Variants in RASSF3 observed in about 807,000 individuals in gnomAD.
RASSF3 encodes the protein Ras association domain family member 3.
A neutral mutation model predicts 19.9 loss-of-function variants in RASSF3; 19 were observed. The ratio of observed to expected loss-of-function variants is 0.96; its 90% confidence interval spans 0.67 to 1.40. RASSF3 has a LOEUF of 1.40. Among genes scored for constraint, RASSF3 ranks in the 40% most tolerant of loss-of-function variants. The probability of loss-of-function intolerance (pLI) is 0.00; values close to 1 mark genes in which losing one functional copy is unlikely to be tolerated. For synonymous variants in RASSF3, 110 were observed against 104.2 expected (o/e 1.06, Z -0.34); for missense variants, 306 against 289.8 (o/e 1.06, Z -0.41).
At chr12:64,624,393 A>G (rs11175472) in intron 1 of RASSF3, among the ~76,000 whole-genome samples, 6,484 of 151,898 alleles carry the variant, frequency 0.043, 616 homozygotes, top group African/African-American at 0.15. Flanking sequence ...TGCTAGCTGT[A>G]TTATCTTGAG....
At chr12:64,603,459 T>A (rs183929270) in intron 2 of RASSF3, among the ~76,000 whole-genome samples, 1 of 152,340 alleles carries the variant, frequency 6.6e-6, no homozygotes, top group Admixed American at 6.5e-5. Flanking sequence ...ACAAAATATT[T>A]CAGCTCATTA....
chr12:64,543,562 C>T (rs1288367051), downstream of RASSF3, among the ~76,000 whole-genome samples: 2 of 107,828 alleles, frequency 1.9e-5, no homozygotes, highest in Admixed American at 1.8e-4. Context: ...CTGCACGGCC[C>T]GAGCCTCCCC....
intron 1 of RASSF3, among the ~76,000 whole-genome samples, chr12:64,613,817 G>GCTCGCCTGTAGTCCCAGCTA (rs1870456197): frequency 6.6e-6 from 1 of 151,902 alleles, no homozygotes; most frequent in Non-Finnish European, 1.5e-5. Context: ...GCATGGTGGT[G>GCTCGCCTGTAGTCCCAGCTA]CTCGCCTGTA....
chr12:64,693,639 G>A (rs1868316410), intron 4 of RASSF3, among the ~76,000 whole-genome samples: 1 of 150,976 alleles, frequency 6.6e-6, no homozygotes, highest in African/African-American at 2.5e-5. Flanking sequence ...GGCTGGTCTC[G>A]AACTTCTGGT....
chr12:64,682,406 C>T (rs1035034559), intron 1 of RASSF3, among the ~76,000 whole-genome samples: 1 of 151,918 alleles, frequency 6.6e-6, no homozygotes, highest in African/African-American at 2.4e-5. Flanking sequence ...CCCGTCTCTA[C>T]TAAAAATACA....
chr12:64,610,796 C>G, intron 1 of RASSF3, 53 bp downstream of exon 1: 1 of 1,185,734 alleles, frequency 8.4e-7, no homozygotes, highest in Non-Finnish European at 1.2e-6. Flanking sequence ...TCCGGGGAAC[C>G]CGCCAGCCCG....
rs540382418 is a variant in RASSF3 at position 64,655,577 on chromosome 12, T to A, written c.112-29210T>A. On this transcript the variant is annotated intron_variant, in intron 1 of 4. Transcript: ENST00000542104. ...ATCCTCCTGCCTCGGCCTCCCAAAT[T>A]ATTGGGATTACAGGTGTGAACCACC... Among the ~76,000 whole-genome samples the A allele has an allele frequency of 3.1e-3, 474 of 152,154 alleles. 3 individuals carry two copies. Among genetic ancestry groups the A allele is most frequent in the Non-Finnish European group, 5.7e-3 (387 of 67,990 alleles).
At chr12:64,513,153 C>T (rs1005020882) in intron 1 of RASSF3, among the ~76,000 whole-genome samples, 1 of 152,004 alleles carries the variant, frequency 6.6e-6, no homozygotes, top group African/African-American at 2.4e-5. Flanking sequence ...ATGTTAAAAG[C>T]CAGATTTCAG....
downstream of RASSF3, among the ~76,000 whole-genome samples, chr12:64,544,137 C>G (rs1002341825): frequency 3.9e-5 from 6 of 152,126 alleles, no homozygotes; most frequent in African/African-American, 1.4e-4. Flanking sequence ...GTACTGCTCA[C>G]TCTTTGGGTC....
chr12:64,546,522 G>A (rs571347764), downstream of RASSF3, among the ~76,000 whole-genome samples: 40 of 152,258 alleles, frequency 2.6e-4, no homozygotes, highest in Non-Finnish European at 4.9e-4. Flanking sequence ...CACCCGCCTA[G>A]GCCCCCCAAA....
At chr12:64,605,555 G>A (rs561814914), upstream of RASSF3, among the ~76,000 whole-genome samples, 13 of 152,154 alleles carry the variant, frequency 8.5e-5, no homozygotes, top group East Asian at 1.5e-3. Context: ...AAAATGATGG[G>A]AATATAGGAT....
intron 1 of RASSF3, among the ~76,000 whole-genome samples, chr12:64,511,574 C>T (rs1868328376): frequency 1.3e-5 from 2 of 152,156 alleles, no homozygotes; most frequent in Non-Finnish European, 2.9e-5. Flanking sequence ...GGAAACTGGC[C>T]TCCTTTTCTG....
At chr12:64,520,555 C>CAT (rs66975333) in intron 1 of RASSF3, among the ~76,000 whole-genome samples, 4,502 of 85,202 alleles carry the variant, frequency 0.053, 114 homozygotes, top group Non-Finnish European at 0.077. Flanking sequence ...CACATACACA[C>CAT]ATATATATAT....
At chr12:64,617,368 G>A in intron 1 of RASSF3, among the ~76,000 whole-genome samples, 1 of 152,180 alleles carries the variant, frequency 6.6e-6, no homozygotes, top group East Asian at 1.9e-4. Context: ...AACCTCTGGG[G>A]TTAGGGTGGT....
intron 2 of RASSF3, among the ~76,000 whole-genome samples, chr12:64,563,617 C>T (rs1315231077): frequency 6.6e-6 from 1 of 152,222 alleles, no homozygotes; most frequent in African/African-American, 2.4e-5. Context: ...ATGCCCCTGC[C>T]CTGCTCAATC....
chr12:64,585,014 T>C (rs530766663), intron 2 of RASSF3, among the ~76,000 whole-genome samples: 69 of 150,476 alleles, frequency 4.6e-4, no homozygotes, highest in Non-Finnish European at 8.0e-4. Context: ...GCCTCCTGAG[T>C]AGCTGGGACT....
chr12:64,603,843 CT>C (rs549960241), intron 2 of RASSF3, among the ~76,000 whole-genome samples: 7 of 149,326 alleles, frequency 4.7e-5, no homozygotes, highest in Admixed American at 1.3e-4. Context: ...GTCTGATTTC[CT>C]TTTTTTTTTC....
intron 1 of RASSF3, chr12:64,622,526 T>C (rs760776780): frequency 2.3e-5 from 12 of 529,234 alleles, no homozygotes; most frequent in East Asian, 5.7e-5. Context: ...ATCTATTAGG[T>C]TGGTGCAAAA....
chr12:64,624,399 T>C (rs1870911496), intron 1 of RASSF3, among the ~76,000 whole-genome samples: 1 of 151,924 alleles, frequency 6.6e-6, no homozygotes, highest in African/African-American at 2.4e-5. Context: ...CTGTATTATC[T>C]TGAGCAAGTC....
Sources: gnomAD v4.1 joint callset for allele counts (sites outside exome capture counted in the v4.1 genomes callset) on GRCh38, gnomAD v4.1.1 for gene constraint, MANE v1.5 for transcripts, NCBI Gene and HGNC (gene_info 2026-07-23, HGNC 2026-07-21) for gene names.